The following CPPED1 variants were observed in gnomAD, a reference collection of about 807,000 sequenced individuals.
CPPED1 encodes calcineurin like phosphoesterase domain containing 1.
In CPPED1, 28 loss-of-function variants were observed where a neutral mutation model predicts 28.0. The observed-to-expected ratio is 1.00, with a 90% CI of 0.74 to 1.37. The LOEUF (loss-of-function observed/expected upper bound fraction) is 1.37, where lower values mean the gene tolerates loss of function less well. CPPED1 is among the 40% of genes most tolerant of loss of function. The pLI, the probability that CPPED1 is intolerant of heterozygous loss-of-function variation, is 0.00. For synonymous variants in CPPED1, 198 were observed against 180.2 expected (o/e 1.10, Z -0.79); for missense variants, 504 against 416.5 (o/e 1.21, Z -1.83).
chr16:12,803,171 C>A (rs751032935), intron 1 of CPPED1, among the ~76,000 whole-genome samples: 9 of 152,250 alleles, frequency 5.9e-5, no homozygotes, highest in Non-Finnish European at 8.8e-5. Flanking sequence ...TTCACTACGA[C>A]TCTCGAATGC....
chr16:12,729,689 A>C (rs1405054315), intron 2 of CPPED1, among the ~76,000 whole-genome samples: 1 of 152,188 alleles, frequency 6.6e-6, no homozygotes, highest in Non-Finnish European at 1.5e-5. Context: ...GCCATCTTAA[A>C]GTCATAATAA....
At chr16:12,802,957 C>G (rs1193953984) in intron 1 of CPPED1, among the ~76,000 whole-genome samples, 4 of 152,222 alleles carry the variant, frequency 2.6e-5, no homozygotes, top group Admixed American at 2.0e-4. Context: ...GGGAGGCGAT[C>G]TGGCTGCAGG....
At chr16:12,759,236 A>G (rs904286591) in intron 2 of CPPED1, 4 of 151,828 alleles carry the variant, frequency 2.6e-5, no homozygotes, top group African/African-American at 9.7e-5. Flanking sequence ...AGCAGTCCGG[A>G]AATCACATGC....
intron 1 of CPPED1, among the ~76,000 whole-genome samples, chr16:12,782,312 A>G (rs2080536668): frequency 1.3e-5 from 2 of 152,166 alleles, no homozygotes; most frequent in Admixed American, 1.3e-4. Context: ...TACATGACAG[A>G]CCAATGTTGA....
intron 1 of CPPED1, among the ~76,000 whole-genome samples, chr16:12,797,352 A>C (rs930306532): frequency 6.6e-6 from 1 of 152,168 alleles, no homozygotes; most frequent in East Asian, 1.9e-4. Context: ...AGAGTTCAAG[A>C]CTAACCTGAG....
At chr16:12,715,641 C>A (rs1567284405) in intron 2 of CPPED1, among the ~76,000 whole-genome samples, 1 of 152,160 alleles carries the variant, frequency 6.6e-6, no homozygotes, top group Non-Finnish European at 1.5e-5. Flanking sequence ...GCCTGAGCAA[C>A]AGAGCGAGAC....
intron 1 of CPPED1, among the ~76,000 whole-genome samples, chr16:12,797,279 G>A (rs532229589): frequency 9.9e-5 from 15 of 152,230 alleles, no homozygotes; most frequent in Middle Eastern, 3.4e-3. Context: ...GGCCAGGTGC[G>A]GTGGCTCATG....
At chr16:12,784,014 C>A (rs1286586127) in intron 1 of CPPED1, among the ~76,000 whole-genome samples, 1 of 152,150 alleles carries the variant, frequency 6.6e-6, no homozygotes, top group Non-Finnish European at 1.5e-5. Flanking sequence ...TATTCACATC[C>A]CTGTGCAACA....
At chr16:12,679,354 TAAAACA>T (rs755831913) in intron 3 of CPPED1, among the ~76,000 whole-genome samples, 26 of 152,276 alleles carry the variant, frequency 1.7e-4, no homozygotes, top group Non-Finnish European at 2.1e-4. Context: ...AAATAAAATG[TAAAACA>T]AAAACAAAAA....
intron 2 of CPPED1, among the ~76,000 whole-genome samples, chr16:12,707,798 A>C (rs1272961472): frequency 2.0e-5 from 3 of 152,100 alleles, no homozygotes; most frequent in Non-Finnish European, 4.4e-5. Flanking sequence ...AATATCCCCC[A>C]GTAATCTGTT....
intron 3 of CPPED1, among the ~76,000 whole-genome samples, chr16:12,675,009 G>A (rs1236497197): frequency 2.0e-5 from 3 of 152,158 alleles, no homozygotes; most frequent in East Asian, 3.9e-4. Context: ...TCTGCAACAC[G>A]CAGCCTCTCT....
intron 3 of CPPED1, among the ~76,000 whole-genome samples, chr16:12,695,124 T>C (rs1024438087): frequency 5.3e-5 from 8 of 152,196 alleles, no homozygotes; most frequent in African/African-American, 1.9e-4. Context: ...TGATTGTCAC[T>C]GCCCTGTGGA....
Position 12,709,946 on chromosome 16 carries a change from G to T in CPPED1, c.290-4897C>A, listed in dbSNP as rs990180432. ...GAAGGGAAGGAAGGGAAGGAAGGGA[G>T]GAAGGAAAGAAGGGAAGGAAGGCAA... On this transcript the variant is annotated intron_variant, in intron 2 of 3. Coordinates refer to ENST00000381774, the MANE Select transcript of CPPED1 (RefSeq NM_018340.3). This position sits in a 1 kb window ranked among gnomAD's most constrained non-coding sequence, Gnocchi z 4.4. Among the ~76,000 whole-genome samples, 1 of 144,164 alleles carries T rather than the reference G, an allele frequency of 6.9e-6. No homozygotes were observed. The highest frequency in any genetic ancestry group is 7.1e-5 in the Admixed American group (1 of 14,034). The allele number at this position is 144,164 out of a possible 152,430, so 94.6% of individuals were successfully genotyped here.
chr16:12,739,555 T>C (rs1431886748), intron 2 of CPPED1, among the ~76,000 whole-genome samples: 1 of 152,072 alleles, frequency 6.6e-6, no homozygotes, highest in African/African-American at 2.4e-5. Flanking sequence ...CCCTCCAGTC[T>C]GGACAACAAG....
intron 3 of CPPED1, among the ~76,000 whole-genome samples, chr16:12,685,541 C>T (rs1051275373): frequency 9.2e-5 from 14 of 152,132 alleles, no homozygotes; most frequent in Non-Finnish European, 1.9e-4. Context: ...CGTTTAAACC[C>T]CTGGCACACT....
At chr16:12,730,261 C>A (rs1375784845) in intron 2 of CPPED1, among the ~76,000 whole-genome samples, 1 of 152,122 alleles carries the variant, frequency 6.6e-6, no homozygotes, top group African/African-American at 2.4e-5. Flanking sequence ...CTTGGCCTCC[C>A]AAAGTGTTCG....
chr16:12,665,510 G>A (rs1483063924), intron 3 of CPPED1, among the ~76,000 whole-genome samples: 2 of 152,164 alleles, frequency 1.3e-5, no homozygotes, highest in East Asian at 3.9e-4. Flanking sequence ...TAACATTTAT[G>A]GCCAGGGATG....
intron 2 of CPPED1, chr16:12,752,842 T>G (rs1439494416): frequency 2.0e-5 from 3 of 148,068 alleles, no homozygotes; most frequent in Non-Finnish European, 4.5e-5. Context: ...AATTAGATTA[T>G]GTATTATATA....
chr16:12,685,524 C>T (rs931861153), intron 3 of CPPED1, among the ~76,000 whole-genome samples: 5 of 152,130 alleles, frequency 3.3e-5, no homozygotes, highest in African/African-American at 7.2e-5. Context: ...GAGTTTCAGA[C>T]GTAATGCGTT....
Sources: allele counts gnomAD v4.1 joint callset (sites outside exome capture counted in the v4.1 genomes callset), GRCh38; gene constraint gnomAD v4.1.1; non-coding constraint Gnocchi (gnomAD v3.1); transcripts MANE v1.5; gene names NCBI Gene and HGNC (gene_info 2026-07-23, HGNC 2026-07-21).